Variants in CAMTA1 observed in about 807,000 individuals in gnomAD.
The protein encoded by CAMTA1 is calmodulin binding transcription activator 1, also known as calmodulin-binding transcription activator 1.
Under a neutral mutation model 170.9 loss-of-function variants are expected in CAMTA1, and 27 were observed. The observed-to-expected ratio is 0.16, with a 90% confidence interval of 0.12 to 0.22. The LOEUF (loss-of-function observed/expected upper bound fraction) is 0.22, where lower values mean the gene tolerates loss of function less well. Ranked by LOEUF, CAMTA1 falls within the 10% of genes least tolerant of loss-of-function variation. CAMTA1 has a pLI of 1.00. For missense variants in CAMTA1, 1,619 were observed against 2,217.2 expected (o/e 0.73, Z 5.42); for synonymous variants, 833 against 891.5 (o/e 0.93, Z 1.17).
At chr1:7,358,374 T>C (rs1574905201) in intron 5 of CAMTA1, among the ~76,000 whole-genome samples, 1 of 152,228 alleles carries the variant, frequency 6.6e-6, no homozygotes, top group East Asian at 1.9e-4. Flanking sequence ...TCAGAGCATG[T>C]CAAGCTGCTC....
chr1:6,957,974 C>T (rs958870730), intron 3 of CAMTA1, among the ~76,000 whole-genome samples: 7 of 152,280 alleles, frequency 4.6e-5, no homozygotes, highest in East Asian at 3.9e-4. Flanking sequence ...TGTTCCCTCC[C>T]GCCTGTCAGC....
At chr1:7,552,432 T>A (rs1317451332) in intron 6 of CAMTA1, among the ~76,000 whole-genome samples, 1 of 152,214 alleles carries the variant, frequency 6.6e-6, no homozygotes, top group Non-Finnish European at 1.5e-5. Flanking sequence ...GAACAGTGGA[T>A]GTGCCTGTCT....
At chr1:7,718,683 G>A (rs1378898776) in intron 11 of CAMTA1, among the ~76,000 whole-genome samples, 1 of 150,218 alleles carries the variant, frequency 6.7e-6, no homozygotes, top group Admixed American at 6.7e-5. Context: ...TCAGCCTCCC[G>A]AGTAGCTGAG....
chr1:6,868,320 A>T (rs1343991438), intron 3 of CAMTA1, among the ~76,000 whole-genome samples: 1 of 136,460 alleles, frequency 7.3e-6, no homozygotes, highest in African/African-American at 3.0e-5. Flanking sequence ...TTTTTTTTTA[A>T]AAACAAAACA....
intron 11 of CAMTA1, among the ~76,000 whole-genome samples, chr1:7,726,010 C>T (rs917305869): frequency 2.0e-5 from 3 of 152,308 alleles, no homozygotes; most frequent in Middle Eastern, 3.4e-3. Context: ...AGGTGGGTCA[C>T]GCACGGAGAG....
At chr1:6,937,018 T>C (rs1030938099) in intron 3 of CAMTA1, among the ~76,000 whole-genome samples, 5 of 151,392 alleles carry the variant, frequency 3.3e-5, no homozygotes, top group Admixed American at 3.3e-4. Context: ...AGAGAGAGGA[T>C]TCCACTGCCG....
intron 5 of CAMTA1, among the ~76,000 whole-genome samples, chr1:7,257,982 G>A (rs1408366525): frequency 6.6e-6 from 1 of 152,308 alleles, no homozygotes; most frequent in East Asian, 1.9e-4. Context: ...GAGAAGACAC[G>A]CTAGCAGGTT....
intron 3 of CAMTA1, among the ~76,000 whole-genome samples, chr1:7,087,249 C>T (rs1003579129): frequency 2.6e-5 from 4 of 152,218 alleles, no homozygotes; most frequent in East Asian, 1.9e-4. Context: ...GAGCATCTCC[C>T]GCTCTGTGTG....
chr1:7,469,753 A>C (rs1210396564), intron 6 of CAMTA1, among the ~76,000 whole-genome samples: 1 of 151,436 alleles, frequency 6.6e-6, no homozygotes, highest in Non-Finnish European at 1.5e-5. Context: ...TTTTAATTCC[A>C]CTAAATTTAC....
intron 4 of CAMTA1, among the ~76,000 whole-genome samples, chr1:7,206,849 C>A (rs1056818559): frequency 6.6e-6 from 1 of 152,128 alleles, no homozygotes; most frequent in African/African-American, 2.4e-5. Context: ...TTTTTAATGA[C>A]TTCTCTTAAG....
At position 7,249,642 on chromosome 1, in the gene CAMTA1, G is replaced by A; in HGVS notation, c.438+16G>A. The A allele has an allele frequency of 6.2e-7, 1 of 1,612,170 alleles. No homozygotes were observed. Among genetic ancestry groups the A allele is most frequent in the East Asian group, 2.2e-5 (1 of 44,844 alleles). On this transcript the variant is annotated intron_variant, in intron 5 of 22. Coordinates refer to ENST00000303635, the MANE Select transcript of CAMTA1 (RefSeq NM_015215.4). The surrounding 1 kb of genome is among the most constrained non-coding windows in gnomAD (Gnocchi z 4.4). ...GGGAGTGGAGGTAAACAGCAGAAAA[G>A]GTTCCCTTGGTGCACAAATGTCATT... is the stretch of plus-strand genomic sequence containing the variant.
intron 5 of CAMTA1, among the ~76,000 whole-genome samples, chr1:7,361,152 A>G (rs2085509295): frequency 6.6e-6 from 1 of 152,226 alleles, no homozygotes; most frequent in South Asian, 2.1e-4. Flanking sequence ...GAGTGGCGCC[A>G]TATTCATTTG....
chr1:6,889,435 C>T (rs919724351), intron 3 of CAMTA1, among the ~76,000 whole-genome samples: 2 of 152,110 alleles, frequency 1.3e-5, no homozygotes, highest in African/African-American at 2.4e-5. Flanking sequence ...AATGCAAGGT[C>T]GAACTAACTT....
rs760493288 is a variant in CAMTA1, at chr1:7,496,778, C to T, written c.510+28877C>T. 8.2e-4 allele frequency among the ~76,000 whole-genome samples: 125 copies of T among 152,148 alleles called. 2 individuals carry two copies. Among genetic ancestry groups the T allele is most frequent in the Middle Eastern group, 3.4e-3 (1 of 294 alleles). ...TGCCTCCCAGTAGGCAGGGGTCCAG[C>T]GTCTCCTAAGAGCACCCTGGCCCCA... On this transcript the variant is annotated intron_variant, in intron 6 of 22. Transcript: ENST00000303635.
intron 5 of CAMTA1, among the ~76,000 whole-genome samples, chr1:7,260,168 T>C (rs1413023043): frequency 6.6e-6 from 1 of 152,202 alleles, no homozygotes; most frequent in African/African-American, 2.4e-5. Flanking sequence ...AAAAACAGAC[T>C]GTGGGCTGGA....
intron 6 of CAMTA1, among the ~76,000 whole-genome samples, chr1:7,480,780 A>G (rs2093518155): frequency 6.6e-6 from 1 of 152,016 alleles, no homozygotes; most frequent in African/African-American, 2.4e-5. Context: ...GGATCATCTC[A>G]TCCAGCCCCA....
intron 4 of CAMTA1, among the ~76,000 whole-genome samples, chr1:7,114,361 A>G (rs1644238418): frequency 6.6e-6 from 1 of 151,722 alleles, no homozygotes; most frequent in South Asian, 2.1e-4. Context: ...CGGGTGTCCA[A>G]TCTTTTGGCT....
Position 6,811,059 on chromosome 1 carries a change from C to T in CAMTA1, c.46-9122C>T, listed in dbSNP as rs569618327. On this transcript the variant is annotated intron_variant, in intron 1 of 22. Transcript: ENST00000303635. Reference sequence around the variant, plus strand: ...CTTCTGTGCCCTTTGTCTTCATGTGCCTTCTATGTGCTCTCTCCTGTTAGA... The same window carrying T: ...CTTCTGTGCCCTTTGTCTTCATGTGTCTTCTATGTGCTCTCTCCTGTTAGA... 2.6e-5 allele frequency among the ~76,000 whole-genome samples: 4 copies of T among 152,248 alleles called. No individual in the cohort carries two copies. In the East Asian group the frequency reaches 5.8e-4, roughly 22 times the overall value.
chr1:7,740,777 T>G (rs559677652), intron 16 of CAMTA1, among the ~76,000 whole-genome samples: 170 of 152,340 alleles, frequency 1.1e-3, no homozygotes, highest in African/African-American at 3.9e-3. Flanking sequence ...TTTTTGAAAG[T>G]GGCCTTCACT....
Sources: allele counts gnomAD v4.1 joint callset (sites outside exome capture counted in the v4.1 genomes callset), GRCh38; gene constraint gnomAD v4.1.1; non-coding constraint Gnocchi (gnomAD v3.1); transcripts MANE v1.5; gene names NCBI Gene and HGNC (gene_info 2026-07-23, HGNC 2026-07-21).